Variants in KLHL1 observed in about 807,000 individuals in gnomAD.
KLHL1 encodes kelch like family member 1.
A neutral mutation model predicts 77.7 loss-of-function variants in KLHL1; 47 were observed. The observed-to-expected ratio is 0.60, with a 90% CI of 0.48 to 0.77. KLHL1 has a LOEUF of 0.77. KLHL1 is among the 30% of genes least tolerant of loss of function. The pLI is 0.00. For missense variants in KLHL1, 925 were observed against 910.8 expected (o/e 1.02, Z -0.20); for synonymous variants, 360 against 325.2 (o/e 1.11, Z -1.15).
At chr13:69,982,967 G>A (rs542077102) in intron 1 of KLHL1, among the ~76,000 whole-genome samples, 1 of 152,170 alleles carries the variant, frequency 6.6e-6, no homozygotes, top group Non-Finnish European at 1.5e-5. Flanking sequence ...AAACCTTAAA[G>A]AGTCCACCTA....
chr13:69,823,069 C>A (rs560359083), intron 6 of KLHL1, among the ~76,000 whole-genome samples: 1 of 152,252 alleles, frequency 6.6e-6, no homozygotes, highest in East Asian at 1.9e-4. Flanking sequence ...AGAAGCCTCA[C>A]CTCCGATGGA....
intron 6 of KLHL1, among the ~76,000 whole-genome samples, chr13:69,816,815 G>A (rs759117994): frequency 6.6e-6 from 1 of 152,032 alleles, no homozygotes; most frequent in East Asian, 1.9e-4. Context: ...AAAATTAGCC[G>A]AGAGTGGTGG....
At chr13:70,077,647 A>G (rs1228378056) in intron 1 of KLHL1, among the ~76,000 whole-genome samples, 1 of 152,062 alleles carries the variant, frequency 6.6e-6, no homozygotes, top group African/African-American at 2.4e-5. Context: ...ACTATATCAA[A>G]ATGATGTGTT....
intron 1 of KLHL1, among the ~76,000 whole-genome samples, chr13:70,051,851 TCTACATTTGTTTTGTTGTGGA>T (rs1886637159): frequency 6.6e-6 from 1 of 152,008 alleles, no homozygotes; most frequent in Non-Finnish European, 1.5e-5. Context: ...ATACTTGATA[TCTACATTTGTTTTGTTGTGGA>T]CTACAAGAAA....
chr13:69,840,704 ATGTATG>A (rs1566312753), intron 5 of KLHL1, among the ~76,000 whole-genome samples: 6 of 127,064 alleles, frequency 4.7e-5, no homozygotes, highest in Non-Finnish European at 7.6e-5. Context: ...ATATATATGT[ATGTATG>A]TATGTATGTA....
intron 1 of KLHL1, among the ~76,000 whole-genome samples, chr13:70,104,735 A>C (rs1004537912): frequency 6.6e-6 from 1 of 152,142 alleles, no homozygotes; most frequent in Non-Finnish European, 1.5e-5. Context: ...GCATTCATAT[A>C]GTTTATGTAG....
chr13:69,766,446 A>G (rs1875306200), intron 7 of KLHL1, among the ~76,000 whole-genome samples: 1 of 150,868 alleles, frequency 6.6e-6, no homozygotes, highest in Admixed American at 6.6e-5. Context: ...CCAATTTTTA[A>G]GTTTATTTTA....
At chr13:70,088,237 A>G (rs2137438519) in intron 1 of KLHL1, among the ~76,000 whole-genome samples, 1 of 152,310 alleles carries the variant, frequency 6.6e-6, no homozygotes, top group Middle Eastern at 3.4e-3. Context: ...CAACAAATAG[A>G]TGCTCTGTAA....
chr13:69,976,238 G>A (rs1884541782), intron 1 of KLHL1, among the ~76,000 whole-genome samples: 1 of 151,900 alleles, frequency 6.6e-6, no homozygotes, highest in Non-Finnish European at 1.5e-5. Context: ...TTGCCTTGCA[G>A]AAATAGGTGA....
chr13:70,040,314 G>C (rs536299826), intron 1 of KLHL1, among the ~76,000 whole-genome samples: 2 of 152,158 alleles, frequency 1.3e-5, no homozygotes, highest in Non-Finnish European at 2.9e-5. Context: ...AGAAAGAAGA[G>C]AGGGAGTGGG....
intron 4 of KLHL1, among the ~76,000 whole-genome samples, chr13:69,918,987 T>C (rs1216158860): frequency 6.6e-6 from 1 of 152,094 alleles, no homozygotes; most frequent in East Asian, 1.9e-4. Flanking sequence ...TTCTGACCAA[T>C]ATTTTGTATC....
intron 4 of KLHL1, among the ~76,000 whole-genome samples, chr13:69,911,467 AG>A (rs765853279): frequency 8.6e-5 from 13 of 151,736 alleles, no homozygotes; most frequent in East Asian, 7.8e-4. Flanking sequence ...GCAAGCTATT[AG>A]GGGTTATGTT....
rs932766235 is a variant in KLHL1 at position 70,000,136 on chromosome 13, G to T, written c.498-24334C>A. On this transcript the variant is annotated intron_variant, in intron 1 of 10. Coordinates refer to ENST00000377844, the MANE Select transcript of KLHL1 (RefSeq NM_020866.3). ...TCCTCTGTTGCCATGTGACAGGTTG[G>T]TTCCACTTGTCTTCCACCAAGACAT... Among the ~76,000 whole-genome samples the T allele has an allele frequency of 2.6e-5, 4 of 151,938 alleles. No individual in the cohort carries two copies. The South Asian group carries it at 6.2e-4, about 24-fold the overall frequency.
chr13:69,854,758 TTACA>T (rs1455620388), intron 5 of KLHL1, among the ~76,000 whole-genome samples: 1 of 152,082 alleles, frequency 6.6e-6, no homozygotes, highest in Non-Finnish European at 1.5e-5. Context: ...TAATTGGTTC[TTACA>T]TAGTCTTTTG....
At chr13:69,906,108 C>T (rs1421613422) in intron 4 of KLHL1, among the ~76,000 whole-genome samples, 1 of 152,030 alleles carries the variant, frequency 6.6e-6, no homozygotes, top group African/African-American at 2.4e-5. Flanking sequence ...ACACTATACA[C>T]TTTATTTCCT....
intron 1 of KLHL1, among the ~76,000 whole-genome samples, chr13:70,084,622 C>CGTTTTTTTTTTT (rs1555296089): frequency 6.7e-5 from 1 of 14,956 alleles, no homozygotes; most frequent in Non-Finnish European, 1.0e-4. Flanking sequence ...CCACGCCAGG[C>CGTTTTTTTTTTT]TTTTTTTTTT....
intron 1 of KLHL1, among the ~76,000 whole-genome samples, chr13:70,015,473 T>C (rs892219324): frequency 1.1e-4 from 16 of 152,182 alleles, no homozygotes. Flanking sequence ...AAATGGCCCA[T>C]GATTTAAGAT....
intron 9 of KLHL1, among the ~76,000 whole-genome samples, chr13:69,714,840 G>T (rs1450077228): frequency 1.3e-5 from 2 of 151,962 alleles, no homozygotes; most frequent in Admixed American, 1.3e-4. Context: ...GCAATCCACA[G>T]TTCTCAGCCT....
intron 6 of KLHL1, among the ~76,000 whole-genome samples, chr13:69,836,427 T>C (rs1878993228): frequency 6.6e-6 from 1 of 152,020 alleles, no homozygotes; most frequent in African/African-American, 2.4e-5. Flanking sequence ...AAGGCATAGA[T>C]TTATCTCAGA....
Sources: gnomAD v4.1 joint callset for allele counts (sites outside exome capture counted in the v4.1 genomes callset) on GRCh38, gnomAD v4.1.1 for gene constraint, MANE v1.5 for transcripts, NCBI Gene and HGNC (gene_info 2026-07-23, HGNC 2026-07-21) for gene names.